Variants in KCNIP1 observed in about 807,000 individuals in gnomAD.
The protein encoded by KCNIP1 is potassium voltage-gated channel interacting protein 1, also known as A-type potassium channel modulatory protein KCNIP1.
KCNIP1 carries 18 observed loss-of-function variants against 33.0 expected under a neutral mutation model. That is an observed-to-expected ratio of 0.55 (90% CI 0.38 to 0.81). The LOEUF (loss-of-function observed/expected upper bound fraction) is 0.81, where lower values mean the gene tolerates loss of function less well. KCNIP1 is among the 30% of genes least tolerant of loss of function. The pLI is 0.00. For synonymous variants in KCNIP1, 93 were observed against 98.3 expected (o/e 0.95, Z 0.32); for missense variants, 238 against 271.6 (o/e 0.88, Z 0.87).
At chr5:170,602,408 C>T (rs1264617213) in intron 1 of KCNIP1, among the ~76,000 whole-genome samples, 1 of 152,206 alleles carries the variant, frequency 6.6e-6, no homozygotes. Flanking sequence ...AGGAAGAGGA[C>T]GGGATGCCTG....
chr5:170,593,437 G>A (rs1758335625), intron 1 of KCNIP1, among the ~76,000 whole-genome samples: 1 of 152,214 alleles, frequency 6.6e-6, no homozygotes, highest in Non-Finnish European at 1.5e-5. Flanking sequence ...GGGAGCATTT[G>A]TAATTTACTT....
At chr5:170,459,202 A>C (rs145571376) in intron 1 of KCNIP1, among the ~76,000 whole-genome samples, 10,134 of 152,208 alleles carry the variant, frequency 0.067, 638 homozygotes, top group African/African-American at 0.16. Context: ...AACAATTACT[A>C]ATAGACCTAA....
chr5:170,687,778 A>C (rs1467882903), intron 1 of KCNIP1, among the ~76,000 whole-genome samples: 1 of 152,156 alleles, frequency 6.6e-6, no homozygotes, highest in Non-Finnish European at 1.5e-5. Flanking sequence ...TATCTCCTTA[A>C]CTCACTTTTT....
intron 1 of KCNIP1, among the ~76,000 whole-genome samples, chr5:170,622,341 G>A (rs1759635451): frequency 6.6e-6 from 1 of 152,160 alleles, no homozygotes; most frequent in Non-Finnish European, 1.5e-5. Context: ...AGGGATACAG[G>A]CCGGGGCCAG....
chr5:170,601,078 T>C lies in KCNIP1; in HGVS notation c.61+96445T>C, dbSNP rs532190408. 9.2e-5 allele frequency among the ~76,000 whole-genome samples: 14 copies of C among 152,360 alleles called. No individual in the cohort carries two copies. The South Asian group carries it at 2.9e-3, about 32-fold the overall frequency. ...TAAAATGGGCTTCATATTTTTAAAATGGCAAAGATTCTAAAGATTACAAAC... is the reference window on the plus strand; with the variant it reads ...TAAAATGGGCTTCATATTTTTAAAACGGCAAAGATTCTAAAGATTACAAAC... On this transcript the variant is annotated intron_variant, in intron 1 of 7. Transcript: ENST00000328939.
intron 1 of KCNIP1, among the ~76,000 whole-genome samples, chr5:170,541,561 G>A (rs945074809): frequency 1.3e-5 from 2 of 152,200 alleles, no homozygotes; most frequent in African/African-American, 4.8e-5. Context: ...TCCTGAGGCT[G>A]CATACTCCAG....
intron 1 of KCNIP1, among the ~76,000 whole-genome samples, chr5:170,625,242 G>T (rs958530533): frequency 6.6e-6 from 1 of 152,082 alleles, no homozygotes; most frequent in East Asian, 1.9e-4. Context: ...CAGGGCACAC[G>T]TGTGCACACG....
chr5:170,392,866 G>A (rs1004178715), intron 1 of KCNIP1, among the ~76,000 whole-genome samples: 3 of 152,106 alleles, frequency 2.0e-5, no homozygotes, highest in African/African-American at 4.8e-5. Context: ...TCTACTCTTA[G>A]GTCACACACT....
Position 170,474,217 on chromosome 5 carries a change from A to G in KCNIP1, c.88+120253A>G, listed in dbSNP as rs138876303. 1.3e-3 allele frequency among the ~76,000 whole-genome samples: 205 copies of G among 152,284 alleles called. 1 individual carries two copies. The highest frequency in any genetic ancestry group is 6.8e-3 in the Middle Eastern group (2 of 294). On this transcript the variant is annotated intron_variant, in intron 1 of 7. Coordinates refer to the KCNIP1 transcript ENST00000377360. ...ATTACCCGAGAGGCTTTTTATCTTT[A>G]TAACGAGACAACCTTTACTTATCAT...
At chr5:170,418,202 G>A (rs779085359) in intron 1 of KCNIP1, among the ~76,000 whole-genome samples, 10 of 152,266 alleles carry the variant, frequency 6.6e-5, no homozygotes, top group Admixed American at 1.3e-4. Context: ...AGGCCAAGGT[G>A]GGTGGATCAC....
rs111483723 is a variant in KCNIP1 at position 170,731,748 on chromosome 5, A to G, written c.436-1052A>G. Among the ~76,000 whole-genome samples the G allele has an allele frequency of 1.1e-3, 166 of 151,970 alleles. 1 individual carries two copies. Among genetic ancestry groups the G allele is most frequent in the African/African-American group, 3.9e-3 (161 of 41,502 alleles). ...AGAATGAGAAACTCATACAGATTAG[A>G]AGAGACTAAGGAGACACAACAAATA... On this transcript the variant is annotated intron_variant, in intron 5 of 7. Coordinates refer to ENST00000328939, the MANE Select transcript of KCNIP1 (RefSeq NM_014592.4).
chr5:170,420,791 A>T (rs1013878751), intron 1 of KCNIP1, among the ~76,000 whole-genome samples: 3 of 151,594 alleles, frequency 2.0e-5, no homozygotes, highest in Admixed American at 2.0e-4. Flanking sequence ...GTCATTCATG[A>T]AATACTGCGT....
chr5:170,370,036 T>C (rs1763801144), intron 1 of KCNIP1, among the ~76,000 whole-genome samples: 1 of 151,986 alleles, frequency 6.6e-6, no homozygotes, highest in African/African-American at 2.4e-5. Context: ...AAAGCAAAGA[T>C]AGGCAGTCTG....
chr5:170,476,490 AT>A (rs1428782524), intron 1 of KCNIP1, among the ~76,000 whole-genome samples: 17 of 152,164 alleles, frequency 1.1e-4, no homozygotes, highest in Non-Finnish European at 1.6e-4. Flanking sequence ...TTCATGGCTA[AT>A]TAGTTAAAAG....
At chr5:170,376,111 G>A (rs1763990014) in intron 1 of KCNIP1, 1 of 140,018 alleles carries the variant, frequency 7.1e-6, no homozygotes. Context: ...AACATTGTCA[G>A]TATAACTTCT....
chr5:170,671,497 A>C (rs944471407), intron 1 of KCNIP1, among the ~76,000 whole-genome samples: 11 of 152,160 alleles, frequency 7.2e-5, no homozygotes, highest in African/African-American at 2.4e-4. Context: ...GATGAAACTC[A>C]TTATGCAAAC....
At chr5:170,708,443 T>C (rs548070189) in intron 1 of KCNIP1, among the ~76,000 whole-genome samples, 1 of 152,370 alleles carries the variant, frequency 6.6e-6, no homozygotes, top group South Asian at 2.1e-4. Flanking sequence ...CACAGTCCTG[T>C]AAATTATTTG....
At chr5:170,662,419 A>G (rs1581464870) in intron 1 of KCNIP1, among the ~76,000 whole-genome samples, 1 of 152,022 alleles carries the variant, frequency 6.6e-6, no homozygotes, top group East Asian at 1.9e-4. Context: ...CAAAGCATCC[A>G]TTTCTTCCAG....
chr5:170,372,748 G>C (rs1763880284), intron 1 of KCNIP1, among the ~76,000 whole-genome samples: 1 of 152,190 alleles, frequency 6.6e-6, no homozygotes, highest in Non-Finnish European at 1.5e-5. Context: ...TGAACATGCG[G>C]AATCAAAGGG....
Sources: gnomAD v4.1 joint callset for allele counts (sites outside exome capture counted in the v4.1 genomes callset) on GRCh38, gnomAD v4.1.1 for gene constraint, MANE v1.5 for transcripts, NCBI Gene and HGNC (gene_info 2026-07-23, HGNC 2026-07-21) for gene names.